Variants in TMTC2 observed in about 807,000 individuals in gnomAD.
TMTC2 encodes transmembrane O-mannosyltransferase targeting cadherins 2.
TMTC2 carries 43 observed loss-of-function variants against 82.4 expected under a neutral mutation model. The ratio of observed to expected loss-of-function variants is 0.52; its 90% CI spans 0.41 to 0.67. TMTC2 has a LOEUF of 0.67. TMTC2 is among the 30% of genes least tolerant of loss of function. The probability of loss-of-function intolerance (pLI) is 0.00; values close to 1 mark genes in which losing one functional copy is unlikely to be tolerated. For missense variants in TMTC2, 919 were observed against 1,012.4 expected (o/e 0.91, Z 1.25); for synonymous variants, 408 against 381.9 (o/e 1.07, Z -0.80).
At chr12:82,834,736 C>T (rs532599746) in intron 1 of TMTC2, among the ~76,000 whole-genome samples, 1 of 152,230 alleles carries the variant, frequency 6.6e-6, no homozygotes, top group East Asian at 1.9e-4. Context: ...CCCAACAGTT[C>T]CCTAATCTTG....
intron 1 of TMTC2, among the ~76,000 whole-genome samples, chr12:82,716,387 G>A (rs1476361048): frequency 2.1e-5 from 3 of 140,892 alleles, no homozygotes; most frequent in Non-Finnish European, 3.0e-5. Context: ...TTTTTGAGAC[G>A]GAGTCTCGCT....
At chr12:82,717,671 A>G (rs2136921906) in intron 1 of TMTC2, among the ~76,000 whole-genome samples, 2 of 152,362 alleles carry the variant, frequency 1.3e-5, no homozygotes, top group Non-Finnish European at 2.9e-5. Flanking sequence ...AATATACTTT[A>G]AATTTTCAAG....
At chr12:83,036,685 T>C (rs892148791) in intron 9 of TMTC2, among the ~76,000 whole-genome samples, 6 of 152,184 alleles carry the variant, frequency 3.9e-5, no homozygotes, top group African/African-American at 1.4e-4. Flanking sequence ...TATTATACTC[T>C]GTTTTTCTCT....
intron 9 of TMTC2, among the ~76,000 whole-genome samples, chr12:83,031,290 A>G (rs138956431): frequency 3.0e-4 from 45 of 152,294 alleles, no homozygotes; most frequent in African/African-American, 1.0e-3. Context: ...TTTGGCCTCA[A>G]AAGTCTTGCT....
intron 1 of TMTC2, among the ~76,000 whole-genome samples, chr12:82,856,086 A>G (rs1039025976): frequency 3.9e-5 from 6 of 152,222 alleles, no homozygotes; most frequent in African/African-American, 1.4e-4. Flanking sequence ...AGAGAATAAT[A>G]TCTACCTCAT....
chr12:82,944,564 C>CAA (rs11296823), intron 4 of TMTC2, among the ~76,000 whole-genome samples: 5 of 92,842 alleles, frequency 5.4e-5, no homozygotes, highest in African/African-American at 7.9e-5. Context: ...GTGACAGTCT[C>CAA]AAAAAAAAAA....
At chr12:82,749,928 G>T (rs1197334238) in intron 1 of TMTC2, among the ~76,000 whole-genome samples, 2 of 151,808 alleles carry the variant, frequency 1.3e-5, no homozygotes, top group African/African-American at 4.8e-5. Flanking sequence ...CGTGGAGGTG[G>T]GCTTTCACCA....
At position 82,867,516 on chromosome 12, in the gene TMTC2, A is replaced by G. The variant is rs560089905; in HGVS notation, c.654+9936A>G. On this transcript the variant is annotated intron_variant, in intron 2 of 11. Transcript: ENST00000321196. ...CTACTTAAGGGAGCACATGGAAAAT[A>G]TATCCTGAATTCCCATCAAACTGTT... Among the ~76,000 whole-genome samples, 9 of 152,352 alleles carry G rather than the reference A, an allele frequency of 5.9e-5. No homozygotes were observed. In the East Asian group the frequency reaches 1.5e-3, roughly 26 times the overall value.
intron 1 of TMTC2, among the ~76,000 whole-genome samples, chr12:82,845,252 A>AAATAT (rs1555190264): frequency 4.1e-4 from 16 of 38,798 alleles, no homozygotes; most frequent in East Asian, 2.1e-3. Flanking sequence ...AAAAAAAAAA[A>AAATAT]ATATATATAT....
rs184968141 is a variant in TMTC2, at chr12:82,952,324, T to G, written c.1599-12700T>G. 1.1e-4 allele frequency among the ~76,000 whole-genome samples: 16 copies of G among 152,312 alleles called. No individual in the cohort carries two copies. In the East Asian group the frequency reaches 3.1e-3, roughly 29 times the overall value. On this transcript the variant is annotated intron_variant, in intron 4 of 11. Coordinates refer to ENST00000321196, the MANE Select transcript of TMTC2 (RefSeq NM_152588.3). ...TCATACACCTATTACATTCTTAAAT[T>G]ATTTAATTTTAATTAAATATTTTAA...
chr12:82,874,444 A>G (rs966315956), intron 2 of TMTC2, among the ~76,000 whole-genome samples: 7 of 152,224 alleles, frequency 4.6e-5, no homozygotes, highest in Non-Finnish European at 1.0e-4. Context: ...CGTCTCTTTG[A>G]AATAATCTGA....
chr12:82,943,087 A>G (rs1421842371), intron 4 of TMTC2, among the ~76,000 whole-genome samples: 1 of 152,160 alleles, frequency 6.6e-6, no homozygotes, highest in Admixed American at 6.5e-5. Flanking sequence ...TAAACAAAGC[A>G]TGCTGAAGGC....
intron 2 of TMTC2, among the ~76,000 whole-genome samples, chr12:82,873,481 A>T (rs939098328): frequency 1.3e-5 from 2 of 152,034 alleles, no homozygotes; most frequent in African/African-American, 2.4e-5. Flanking sequence ...TTGTTTTTTC[A>T]AAACTATGAT....
At chr12:83,113,259 T>A (rs1206920509) in intron 11 of TMTC2, among the ~76,000 whole-genome samples, 1 of 152,138 alleles carries the variant, frequency 6.6e-6, no homozygotes, top group Non-Finnish European at 1.5e-5. Context: ...AAGACATTGG[T>A]AGATTAGGTA....
rs149412286 is a variant in TMTC2 at position 83,063,017 on chromosome 12, T to C, written c.2331+1186T>C. On this transcript the variant is annotated intron_variant, in intron 11 of 11. Transcript: ENST00000321196. ...AAGAGAGATTAACAATAGAAAAGCA[T>C]ACAAATGTATTTAATATACATTTTA... is the stretch of plus-strand genomic sequence containing the variant. Among the ~76,000 whole-genome samples the C allele has an allele frequency of 7.0e-3, 1,069 of 151,990 alleles. 4 individuals carry two copies. The highest frequency in any genetic ancestry group is 0.026 in the South Asian group (127 of 4,826).
intron 3 of TMTC2, among the ~76,000 whole-genome samples, chr12:82,908,745 T>A (rs1316497012): frequency 1.3e-5 from 2 of 152,166 alleles, no homozygotes; most frequent in African/African-American, 2.4e-5. Flanking sequence ...TTCTTCTATA[T>A]TAGGTAGAAT....
chr12:82,794,265 CT>C (rs1878608355), intron 1 of TMTC2, among the ~76,000 whole-genome samples: 1 of 152,088 alleles, frequency 6.6e-6, no homozygotes, highest in African/African-American at 2.4e-5. Flanking sequence ...TGTCCTTCCT[CT>C]TTTTACTGCT....
At chr12:82,906,020 T>C (rs2137199822) in intron 3 of TMTC2, among the ~76,000 whole-genome samples, 1 of 152,258 alleles carries the variant, frequency 6.6e-6, no homozygotes, top group Admixed American at 6.5e-5. Flanking sequence ...ACAATTTTTT[T>C]CCTTCATAGA....
chr12:82,923,804 T>A (rs1438213119), intron 3 of TMTC2, among the ~76,000 whole-genome samples: 3 of 152,222 alleles, frequency 2.0e-5, no homozygotes, highest in Non-Finnish European at 4.4e-5. Context: ...ATCTTTATAA[T>A]GTTAAATTGC....
Sources: allele counts gnomAD v4.1 joint callset (sites outside exome capture counted in the v4.1 genomes callset), GRCh38; gene constraint gnomAD v4.1.1; transcripts MANE v1.5; gene names NCBI Gene and HGNC (gene_info 2026-07-23, HGNC 2026-07-21).